The following DHRSX variants were observed in gnomAD, a reference collection of about 807,000 sequenced individuals.
DHRSX encodes the protein polyprenol dehydrogenase.
Under a neutral mutation model 34.0 loss-of-function variants are expected in DHRSX, and 31 were observed. The ratio of observed to expected loss-of-function variants is 0.91; its 90% CI spans 0.69 to 1.23. DHRSX has a LOEUF of 1.23. Among genes scored for constraint, DHRSX ranks in the 50% most tolerant of loss-of-function variants. The pLI is 0.00. For synonymous variants in DHRSX, 201 were observed against 183.8 expected (o/e 1.09, Z -0.76); for missense variants, 414 against 428.1 (o/e 0.97, Z 0.29).
chrX:2,319,725 A>T (rs1468702038), intron 3 of DHRSX, among the ~76,000 whole-genome samples: 1 of 152,048 alleles, frequency 6.6e-6, no homozygotes, highest in African/African-American at 2.4e-5. Flanking sequence ...GGTCAAGAGT[A>T]CACTACCAGT....
At chrX:2,393,419 T>TCCCCGTCTCCTGCACACAC (rs2043359523) in intron 3 of DHRSX, among the ~76,000 whole-genome samples, 2 of 147,466 alleles carry the variant, frequency 1.4e-5, no homozygotes, top group South Asian at 2.1e-4. Context: ...TGCGCACACA[T>TCCCCGTCTCCTGCACACAC]GACACACAGG....
chrX:2,362,278 G>A (rs1018740929), intron 3 of DHRSX, among the ~76,000 whole-genome samples: 1 of 152,130 alleles, frequency 6.6e-6, no homozygotes, highest in Non-Finnish European at 1.5e-5. Context: ...CCCAGGGAAA[G>A]ACCCATAAGG....
intron 1 of DHRSX, among the ~76,000 whole-genome samples, chrX:2,443,521 C>G (rs760912411): frequency 1.3e-5 from 2 of 152,244 alleles, no homozygotes; most frequent in South Asian, 4.1e-4. Context: ...CGAAACGAGA[C>G]CCTGTTACTC....
intron 1 of DHRSX, among the ~76,000 whole-genome samples, chrX:2,458,302 G>A (rs1323486238): frequency 6.6e-6 from 1 of 152,144 alleles, no homozygotes; most frequent in Non-Finnish European, 1.5e-5. Flanking sequence ...AGCAAAGAAT[G>A]TTGTGCAGGA....
chrX:2,254,945 C>T (rs986955239), intron 5 of DHRSX, among the ~76,000 whole-genome samples: 2 of 134,180 alleles, frequency 1.5e-5, no homozygotes, highest in African/African-American at 3.0e-5. Flanking sequence ...GCCTGCCCCA[C>T]GCCCCCCCCC....
intron 3 of DHRSX, among the ~76,000 whole-genome samples, chrX:2,395,770 C>A (rs1292181508): frequency 1.3e-5 from 2 of 152,278 alleles, no homozygotes; most frequent in African/African-American, 4.8e-5. Context: ...GTGACTATGT[C>A]TCCCCAAGTT....
intron 1 of DHRSX, among the ~76,000 whole-genome samples, chrX:2,428,719 T>C (rs1320298908): frequency 6.6e-6 from 1 of 152,148 alleles, no homozygotes; most frequent in African/African-American, 2.4e-5. Flanking sequence ...TGTATACCTA[T>C]GTAACAAACC....
chrX:2,258,785 A>G (rs1602818061), intron 5 of DHRSX, among the ~76,000 whole-genome samples: 1 of 152,350 alleles, frequency 6.6e-6, no homozygotes, highest in East Asian at 1.9e-4. Flanking sequence ...TCAACGAAGA[A>G]CAGTTTCCAG....
chrX:2,424,367 G>A (rs1249330532), intron 2 of DHRSX, among the ~76,000 whole-genome samples: 1 of 152,120 alleles, frequency 6.6e-6, no homozygotes, highest in African/African-American at 2.4e-5. Context: ...AAAACACACA[G>A]AGGGACGACC....
At chrX:2,416,421 C>A (rs1268461095) in intron 2 of DHRSX, among the ~76,000 whole-genome samples, 2 of 152,112 alleles carry the variant, frequency 1.3e-5, no homozygotes, top group South Asian at 2.1e-4. Flanking sequence ...ATAATTTCCT[C>A]TTACTAAATA....
chrX:2,282,577 A>AGGGAGAGAGAGAAGAAAGAG (rs1202820883), intron 4 of DHRSX, among the ~76,000 whole-genome samples: 18 of 92,012 alleles, frequency 2.0e-4, no homozygotes, highest in Admixed American at 1.1e-3. Context: ...GGAAACAGAA[A>AGGGAGAGAGAGAAGAAAGAG]GGGAGAGAGA....
intron 1 of DHRSX, among the ~76,000 whole-genome samples, chrX:2,486,048 T>TG (rs375231244): frequency 2.3e-3 from 335 of 142,646 alleles, no homozygotes; most frequent in African/African-American, 8.3e-3. Context: ...ATAAGGAGGC[T>TG]GGGGGGAGAG....
intron 3 of DHRSX, among the ~76,000 whole-genome samples, chrX:2,320,889 G>A (rs1230229028): frequency 6.6e-6 from 1 of 152,028 alleles, no homozygotes; most frequent in Non-Finnish European, 1.5e-5. Flanking sequence ...ATGACGTGTC[G>A]GTCCACGTAC....
intron 5 of DHRSX, among the ~76,000 whole-genome samples, chrX:2,248,220 T>C (rs962676978): frequency 1.2e-4 from 18 of 151,886 alleles, no homozygotes; most frequent in Admixed American, 2.0e-4. Context: ...GACCACAAGG[T>C]CAGGAGATCG....
chrX:2,262,255 T>A (rs2041373378), intron 5 of DHRSX, among the ~76,000 whole-genome samples: 1 of 152,196 alleles, frequency 6.6e-6, no homozygotes, highest in Admixed American at 6.5e-5. Flanking sequence ...AGAAGAAGCC[T>A]GAGAAACACG....
At chrX:2,250,223 G>A (rs2016405393) in intron 5 of DHRSX, among the ~76,000 whole-genome samples, 2 of 151,668 alleles carry the variant, frequency 1.3e-5, no homozygotes, top group Non-Finnish European at 2.9e-5. Context: ...TGGGTGCAGT[G>A]GCTCACATCT....
chrX:2,448,130 G>A (rs2044163409), intron 1 of DHRSX, among the ~76,000 whole-genome samples: 1 of 150,798 alleles, frequency 6.6e-6, no homozygotes, highest in Admixed American at 6.6e-5. Flanking sequence ...TTCAGCCCAG[G>A]AATTCAAGAC....
intron 3 of DHRSX, among the ~76,000 whole-genome samples, chrX:2,342,246 A>G (rs1214516471): frequency 1.3e-5 from 2 of 152,090 alleles, no homozygotes; most frequent in Non-Finnish European, 2.9e-5. Flanking sequence ...TGAGATGAGA[A>G]TTCTGGTTTC....
At chrX:2,319,471 A>T (rs1196391709) in intron 3 of DHRSX, among the ~76,000 whole-genome samples, 1 of 148,842 alleles carries the variant, frequency 6.7e-6, no homozygotes, top group Non-Finnish European at 1.5e-5. Context: ...TGAACCCAGG[A>T]GACGGAGGTT....
Sources: gnomAD v4.1 joint callset for allele counts (sites outside exome capture counted in the v4.1 genomes callset) on GRCh38, gnomAD v4.1.1 for gene constraint, MANE v1.5 for transcripts, NCBI Gene and HGNC (gene_info 2026-07-23, HGNC 2026-07-21) for gene names.